Variants in SCAPER observed in about 807,000 individuals in gnomAD.
The protein encoded by SCAPER is S phase cyclin A-associated protein in the endoplasmic reticulum.
A neutral mutation model predicts 182.2 loss-of-function variants in SCAPER; 98 were observed. That is an observed-to-expected ratio of 0.54 (90% CI 0.46 to 0.64). The LOEUF is 0.64. Among genes scored for constraint, SCAPER ranks in the 30% least tolerant of loss-of-function variants. The probability of loss-of-function intolerance (pLI) is 0.00; values close to 1 mark genes in which losing one functional copy is unlikely to be tolerated. For synonymous variants in SCAPER, 605 were observed against 564.6 expected (o/e 1.07, Z -1.01); for missense variants, 1,432 against 1,690.0 (o/e 0.85, Z 2.68).
intron 23 of SCAPER, among the ~76,000 whole-genome samples, chr15:76,545,527 A>G (rs2045202206): frequency 1.3e-5 from 2 of 152,188 alleles, no homozygotes; most frequent in South Asian, 4.1e-4. Context: ...ATTGAGAGTA[A>G]CTGGGACCAG....
chr15:76,708,308 T>C (rs2059373341), intron 17 of SCAPER, among the ~76,000 whole-genome samples: 1 of 152,104 alleles, frequency 6.6e-6, no homozygotes, highest in Non-Finnish European at 1.5e-5. Flanking sequence ...GTTGACTGAA[T>C]CTGCAGATGT....
At chr15:76,755,760 A>C (rs1470843461) in intron 14 of SCAPER, among the ~76,000 whole-genome samples, 1 of 151,584 alleles carries the variant, frequency 6.6e-6, no homozygotes, top group African/African-American at 2.4e-5. Context: ...TCTCTCCCCC[A>C]CTCTTTCTCT....
chr15:76,795,432 G>T lies in SCAPER; in HGVS notation c.620C>A (p.Thr207Asn). 6.3e-7 allele frequency: 1 copy of T among 1,588,946 alleles called. No homozygotes were observed. Among genetic ancestry groups the T allele is most frequent in the Non-Finnish European group, 8.6e-7 (1 of 1,168,952 alleles). ...CAGACGAGGAGCTGGCACTGTGCCA[G>T]TTGAACCTCTATGGAGAAAAATAAA... ...ARRSLNFGGS[T>N]GTVPAPRLAP... The change falls in exon 8 of 32, where the codon ACT (threonine) becomes AAT (asparagine). Residue 207 changes from threonine (T) to asparagine (N), a missense_variant. Coordinates refer to ENST00000563290, the MANE Select transcript of SCAPER (RefSeq NM_020843.4).
intron 20 of SCAPER, among the ~76,000 whole-genome samples, chr15:76,666,061 G>A (rs1049354667): frequency 6.6e-6 from 1 of 152,054 alleles, no homozygotes; most frequent in African/African-American, 2.4e-5. Flanking sequence ...AAGTAGAGTA[G>A]GAAAGGTAAA....
At chr15:76,555,045 T>C (rs1368816869) in intron 23 of SCAPER, among the ~76,000 whole-genome samples, 1 of 152,194 alleles carries the variant, frequency 6.6e-6, no homozygotes, top group African/African-American at 2.4e-5. Context: ...CCTCCCAAAG[T>C]GCTAGGATTA....
chr15:76,591,257 C>T (rs551190758), intron 22 of SCAPER, among the ~76,000 whole-genome samples: 15 of 145,240 alleles, frequency 1.0e-4, no homozygotes, highest in South Asian at 4.2e-4. Flanking sequence ...CAGCAATAGT[C>T]GACTTAAACC....
intron 23 of SCAPER, among the ~76,000 whole-genome samples, chr15:76,509,787 C>G (rs1458588947): frequency 6.6e-6 from 1 of 152,110 alleles, no homozygotes; most frequent in South Asian, 2.1e-4. Context: ...ACAAAAAGAA[C>G]GAATCTGGAG....
chr15:76,864,216 G>A (rs1022665860), intron 2 of SCAPER, among the ~76,000 whole-genome samples: 17 of 152,066 alleles, frequency 1.1e-4, no homozygotes, highest in Non-Finnish European at 1.2e-4. Flanking sequence ...CCTAAGCCAC[G>A]GGGCTCATTT....
At chr15:76,453,969 G>A (rs187820869) in intron 25 of SCAPER, among the ~76,000 whole-genome samples, 12 of 152,254 alleles carry the variant, frequency 7.9e-5, no homozygotes, top group Admixed American at 4.6e-4. Flanking sequence ...AGTACAGTAA[G>A]TACATTCTTT....
rs925823982 is a variant in SCAPER at position 76,697,868 on chromosome 15, G to C, written c.2508+3890C>G. Among the ~76,000 whole-genome samples the C allele has an allele frequency of 2.6e-5, 4 of 152,016 alleles. No homozygotes were observed. The South Asian group carries it at 8.3e-4, about 32-fold the overall frequency. Reference sequence around the variant, plus strand: ...TCGGCCAGGCTGGTCTCGAACTCCCGACCTCAGGTGATCCACCCACCTCAG... The same window carrying C: ...TCGGCCAGGCTGGTCTCGAACTCCCCACCTCAGGTGATCCACCCACCTCAG... On this transcript the variant is annotated intron_variant, in intron 20 of 31. Transcript: ENST00000563290.
intron 22 of SCAPER, among the ~76,000 whole-genome samples, chr15:76,603,181 C>G (rs1347479687): frequency 8.4e-6 from 1 of 118,818 alleles, no homozygotes; most frequent in Non-Finnish European, 2.0e-5. Flanking sequence ...GATATCCCTC[C>G]CCCTTCCTCC....
intron 26 of SCAPER, among the ~76,000 whole-genome samples, chr15:76,428,420 T>C (rs932974738): frequency 6.6e-6 from 1 of 152,164 alleles, no homozygotes; most frequent in Admixed American, 6.5e-5. Flanking sequence ...TATTTAGCCA[T>C]AAAAAAGAAT....
chr15:76,690,388 A>G (rs755259508), intron 20 of SCAPER, among the ~76,000 whole-genome samples: 2 of 152,306 alleles, frequency 1.3e-5, no homozygotes, highest in Non-Finnish European at 2.9e-5. Flanking sequence ...AAACTGTCAC[A>G]AACCAGAGAG....
intron 23 of SCAPER, among the ~76,000 whole-genome samples, chr15:76,557,153 G>T (rs1191226744): frequency 6.6e-6 from 1 of 151,996 alleles, no homozygotes; most frequent in Non-Finnish European, 1.5e-5. Context: ...TCCACAGGAC[G>T]AATCAATATT....
At chr15:76,700,594 T>A (rs749772108) in intron 20 of SCAPER, among the ~76,000 whole-genome samples, 1 of 152,134 alleles carries the variant, frequency 6.6e-6, no homozygotes, top group Non-Finnish European at 1.5e-5. Flanking sequence ...CTGCTCAGAG[T>A]GTGCCAGCCT....
chr15:76,751,080 A>G lies in SCAPER; in HGVS notation c.1866+2728T>C, dbSNP rs148595698. On this transcript the variant is annotated intron_variant, in intron 15 of 31. Coordinates refer to ENST00000563290, the MANE Select transcript of SCAPER (RefSeq NM_020843.4). ...ACACACAAAAATCAATTGCATTTCT[A>G]TACACTAACAAGGAACAATCTGAAA... Among the ~76,000 whole-genome samples the G allele has an allele frequency of 3.1e-3, 476 of 151,974 alleles. 5 individuals carry two copies. Among genetic ancestry groups the G allele is most frequent in the African/African-American group, 0.011 (455 of 41,544 alleles).
Position 76,595,985 on chromosome 15 carries a change from CGA to C in SCAPER, c.2712-21703_2712-21702del, listed in dbSNP as rs765807354. 1.2e-4 allele frequency among the ~76,000 whole-genome samples: 15 copies of C among 120,426 alleles called. 1 individual carries two copies. The East Asian group carries it at 2.9e-3, about 23-fold the overall frequency. The allele number at this position is 120,426 out of a possible 152,430, so 79.0% of individuals were successfully genotyped here. ...AGCAGAACTGAAGGAGATACAGACA[CGA>C]AAAACCCTTCAAAAAATCAGTGAAT... On this transcript the variant is annotated intron_variant, in intron 22 of 31. Transcript: ENST00000563290.
At chr15:76,543,261 T>A (rs1403146231) in intron 23 of SCAPER, among the ~76,000 whole-genome samples, 4 of 152,244 alleles carry the variant, frequency 2.6e-5, no homozygotes, top group Non-Finnish European at 4.4e-5. Flanking sequence ...CTAATATGTA[T>A]GCTTATTACT....
intron 20 of SCAPER, among the ~76,000 whole-genome samples, chr15:76,681,979 C>G (rs1252786793): frequency 1.3e-5 from 2 of 152,232 alleles, no homozygotes; most frequent in East Asian, 3.9e-4. Flanking sequence ...ACAGGCAGTC[C>G]CATCTGGGCA....
Sources: gnomAD v4.1 joint callset for allele counts (sites outside exome capture counted in the v4.1 genomes callset) on GRCh38, gnomAD v4.1.1 for gene constraint, MANE v1.5 for transcripts, NCBI Gene and HGNC (gene_info 2026-07-23, HGNC 2026-07-21) for gene names.